Variants in KIAA1671 observed in about 807,000 individuals in gnomAD.
The protein encoded by KIAA1671 is KIAA1671.
KIAA1671 carries 52 observed loss-of-function variants against 131.2 expected under a neutral mutation model. That is an observed-to-expected ratio of 0.40 (90% CI 0.32 to 0.50). KIAA1671 has a LOEUF of 0.50. Ranked by LOEUF, KIAA1671 falls within the 20% of genes least tolerant of loss-of-function variation. The pLI, the probability that KIAA1671 is intolerant of heterozygous loss-of-function variation, is 0.73. For missense variants in KIAA1671, 2,360 were observed against 2,364.2 expected (o/e 1.00, Z 0.04); for synonymous variants, 1,003 against 961.6 (o/e 1.04, Z -0.80).
chr22:25,171,287 C>T (rs563482836), intron 7 of KIAA1671, among the ~76,000 whole-genome samples: 3 of 152,192 alleles, frequency 2.0e-5, no homozygotes, highest in African/African-American at 7.2e-5. Context: ...GTAATCCCAG[C>T]TACTTGGGAG....
rs897786499 is a variant in KIAA1671 at position 25,105,825 on chromosome 22, G to GT, written c.4530+56461_4530+56462insT. Among the ~76,000 whole-genome samples, 12 of 152,076 alleles carry GT rather than the reference G, an allele frequency of 7.9e-5. No individual in the cohort carries two copies. In the East Asian group the frequency reaches 1.2e-3, roughly 15 times the overall value. ...CTTGTCACAGGTATGAAGTTGGGGG[G>GT]GGGGGGTGCCAAACTCCACCACTTA... On this transcript the variant is annotated intron_variant, in intron 6 of 12. Transcript: ENST00000358431.
chr22:25,008,429 A>G (rs1265928692), intron 1 of KIAA1671, among the ~76,000 whole-genome samples: 1 of 152,082 alleles, frequency 6.6e-6, no homozygotes, highest in African/African-American at 2.4e-5. Context: ...TATCAACCCC[A>G]GGAGGGTCGT....
chr22:25,041,254 C>A lies in KIAA1671; in HGVS notation c.4124C>A (p.Thr1375Asn). Residue 1375 changes from threonine (T) to asparagine (N), a missense_variant, in exon 5 of 13, where the codon ACC (threonine) becomes AAC (asparagine). Physicochemically the swap from Thr to Asn is moderately conservative, Grantham distance 65. Coordinates refer to ENST00000358431, the MANE Select transcript of KIAA1671 (RefSeq NM_001145206.2). ...KSPPTDQKKG[T>N]PRKSTGRGEE... Reference sequence around the variant, plus strand: ...CCCCCCACTGACCAGAAGAAAGGGACCCCAAGGAAATCCACCGGGCGGGGA... The same window carrying A: ...CCCCCCACTGACCAGAAGAAAGGGAACCCAAGGAAATCCACCGGGCGGGGA... 1 of 1,551,732 alleles carries A rather than the reference C, an allele frequency of 6.4e-7. No homozygotes were observed. Among genetic ancestry groups the A allele is most frequent in the East Asian group, 2.4e-5 (1 of 40,910 alleles).
At chr22:25,166,865 C>T (rs1416883254) in intron 6 of KIAA1671, among the ~76,000 whole-genome samples, 1 of 151,968 alleles carries the variant, frequency 6.6e-6, no homozygotes, top group Non-Finnish European at 1.5e-5. Context: ...CTCTGCCTCC[C>T]GCTGAGCTTA....
rs761311291 is a variant in KIAA1671 at position 25,170,879 on chromosome 22, C to G, written c.4590C>G (p.Leu1530=). ...QPTEPKDTDT[L]VHEAGSQYGT... ...CTGAACCCAAGGACACTGACACCCT[C>G]GTGCACGAAGCCGGCAGCCAGTATG... Residue 1530 remains leucine, a synonymous_variant, in exon 7 of 13, where the codon CTC becomes CTG. Transcript: ENST00000358431. The G allele has an allele frequency of 6.4e-6, 10 of 1,551,566 alleles. No individual in the cohort carries two copies. The African/African-American group carries it at 1.2e-4, about 19-fold the overall frequency.
chr22:24,984,752 A>G (rs1183890715), intron 1 of KIAA1671, among the ~76,000 whole-genome samples: 1 of 151,968 alleles, frequency 6.6e-6, no homozygotes, highest in African/African-American at 2.4e-5. Flanking sequence ...TCTCTACTAA[A>G]AATGCAAAAA....
At chr22:25,105,618 G>A (rs553188653) in intron 6 of KIAA1671, among the ~76,000 whole-genome samples, 137 of 152,128 alleles carry the variant, frequency 9.0e-4, no homozygotes, top group Admixed American at 1.9e-3. Context: ...CTTGCAGACC[G>A]CTCTGTACCT....
intron 1 of KIAA1671, among the ~76,000 whole-genome samples, chr22:24,994,378 G>C (rs1218860577): frequency 3.3e-5 from 5 of 152,160 alleles, no homozygotes; most frequent in Non-Finnish European, 7.4e-5. Context: ...GGTTACCTTG[G>C]GGAACAGCTG....
chr22:24,989,792 C>T (rs906427681), intron 1 of KIAA1671, among the ~76,000 whole-genome samples: 4 of 151,964 alleles, frequency 2.6e-5, no homozygotes, highest in Non-Finnish European at 5.9e-5. Context: ...ATTTTGGTGC[C>T]GGGAGGGTGT....
intron 6 of KIAA1671, chr22:25,053,101 T>C (rs1393850738): frequency 1.3e-5 from 2 of 152,304 alleles, no homozygotes; most frequent in Non-Finnish European, 2.9e-5. Flanking sequence ...ATCCATAGCC[T>C]TAGAAGTTTT....
chr22:25,026,563 T>G (rs1369335575), intron 2 of KIAA1671, among the ~76,000 whole-genome samples: 2 of 152,122 alleles, frequency 1.3e-5, no homozygotes, highest in East Asian at 1.9e-4. Flanking sequence ...AAACCCCACC[T>G]CTACTAAAAC....
intron 4 of KIAA1671, among the ~76,000 whole-genome samples, chr22:25,033,891 A>C (rs754081729): frequency 1.3e-5 from 2 of 151,694 alleles, no homozygotes; most frequent in Non-Finnish European, 2.9e-5. Flanking sequence ...AGTTTTTTTA[A>C]AAACAGCTTT....
At chr22:24,956,014 G>C (rs1921674747) in intron 1 of KIAA1671, among the ~76,000 whole-genome samples, 2 of 140,010 alleles carry the variant, frequency 1.4e-5, no homozygotes, top group South Asian at 4.5e-4. Flanking sequence ...GACAGAGTGA[G>C]ACTCCGTCTC....
chr22:25,009,799 G>A (rs933147249), intron 1 of KIAA1671: 1 of 152,242 alleles, frequency 6.6e-6, no homozygotes, highest in Non-Finnish European at 1.5e-5. Flanking sequence ...AGCCAGGATG[G>A]TCTCGATCTC....
chr22:25,154,595 G>C (rs189233188), intron 6 of KIAA1671, among the ~76,000 whole-genome samples: 170 of 152,332 alleles, frequency 1.1e-3, no homozygotes, highest in Non-Finnish European at 2.0e-3. Context: ...CCACAGGCTG[G>C]GCTGAGCACC....
chr22:25,117,622 CACACACACACACACAG>C (rs1173520394), intron 6 of KIAA1671, among the ~76,000 whole-genome samples: 9 of 151,590 alleles, frequency 5.9e-5, no homozygotes, highest in Admixed American at 3.9e-4. Context: ...CACACACACA[CACACACACACACACAG>C]ACACACTGCT....
intron 6 of KIAA1671, among the ~76,000 whole-genome samples, chr22:25,124,797 C>G (rs1441805527): frequency 6.6e-6 from 1 of 152,214 alleles, no homozygotes; most frequent in Non-Finnish European, 1.5e-5. Context: ...CACTCTGTTA[C>G]CCAGGCTGGA....
intron 1 of KIAA1671, among the ~76,000 whole-genome samples, chr22:24,961,016 G>T (rs1298785845): frequency 6.6e-6 from 1 of 152,034 alleles, no homozygotes; most frequent in Non-Finnish European, 1.5e-5. Flanking sequence ...TGTTGTTGTT[G>T]TTTTTGTTTT....
chr22:25,182,215 C>T (rs569438519), intron 10 of KIAA1671, among the ~76,000 whole-genome samples: 75 of 150,324 alleles, frequency 5.0e-4, no homozygotes, highest in African/African-American at 1.5e-3. Context: ...TCCTTCCTTC[C>T]GTCCTTCCTT....
Sources: allele counts gnomAD v4.1 joint callset (sites outside exome capture counted in the v4.1 genomes callset), GRCh38; gene constraint gnomAD v4.1.1; transcripts MANE v1.5; gene names NCBI Gene and HGNC (gene_info 2026-07-23, HGNC 2026-07-21).